The following CLSPN variants were observed in gnomAD, a reference collection of about 807,000 sequenced individuals.
CLSPN encodes the protein claspin homolog.
In CLSPN, 85 loss-of-function variants were observed where a neutral mutation model predicts 156.3. The observed-to-expected ratio is 0.54, with a 90% CI of 0.46 to 0.65. The LOEUF (loss-of-function observed/expected upper bound fraction) is 0.65. CLSPN is among the 30% of genes least tolerant of loss of function. The probability of loss-of-function intolerance (pLI) is 0.00; values close to 1 mark genes in which losing one functional copy is unlikely to be tolerated. For missense variants in CLSPN, 1,407 were observed against 1,554.9 expected (o/e 0.90, Z 1.60); for synonymous variants, 534 against 542.4 (o/e 0.98, Z 0.22).
In CLSPN at chr1:35,736,576, A is replaced by C. The variant is rs1641482217; in HGVS notation, c.3940T>G (p.Ser1314Ala). ...GTTTTGAGGTGCTTAGGTGAAGGAG[A>C]AGTCATGAAAGATGGACCCCTTTTC... ...VKKRGPSFMT[S>A]PSPKHLKTDD... Residue 1314 changes from serine to alanine, a missense_variant, in exon 25 of 25, where the codon TCT becomes GCT. Around this residue, in one of 3 missense-constraint regions of CLSPN, gnomAD observed 241 missense variants for 240.5 expected, o/e 1.00. Coordinates refer to ENST00000318121, the MANE Select transcript of CLSPN (RefSeq NM_022111.4). 1 of 1,612,248 alleles carries C rather than the reference A, an allele frequency of 6.2e-7. No homozygotes were observed. The highest frequency in any genetic ancestry group is 1.3e-5 in the African/African-American group (1 of 74,832).
At chr1:35,747,507 G>C (rs1178210512) in intron 14 of CLSPN, among the ~76,000 whole-genome samples, 1 of 152,174 alleles carries the variant, frequency 6.6e-6, no homozygotes, top group East Asian at 1.9e-4. Flanking sequence ...ATGTTACTCA[G>C]AAGGTAAAGT....
At chr1:35,763,419 T>C (rs754254706) in intron 3 of CLSPN, 98 bp from the exon 4 acceptor site, 68 of 837,074 alleles carry the variant, frequency 8.1e-5, no homozygotes, top group East Asian at 1.4e-4. Context: ...AAAAAGCCCA[T>C]GTTTCATCAA....
At chr1:35,728,986 T>G (rs1431079853), downstream of CLSPN, among the ~76,000 whole-genome samples, 1 of 127,430 alleles carries the variant, frequency 7.8e-6, no homozygotes, top group Admixed American at 8.6e-5. Flanking sequence ...ACACACGCCT[T>G]TCCTGCTGGG....
chr1:35,759,562 C>T (rs1345116001), intron 8 of CLSPN, among the ~76,000 whole-genome samples: 1 of 152,038 alleles, frequency 6.6e-6, no homozygotes, highest in African/African-American at 2.4e-5. Flanking sequence ...TCTTGGTATG[C>T]CCCACAGCAA....
chr1:35,754,035 G>A (rs72659666), intron 8 of CLSPN, 99 bp from the exon 9 acceptor site: 23,675 of 1,061,028 alleles, frequency 0.022, 344 homozygotes, highest in Middle Eastern at 0.035. Flanking sequence ...CAATTATGAG[G>A]GAAACCACAC....
At chr1:35,769,465 T>G (rs1165098626) in intron 1 of CLSPN, among the ~76,000 whole-genome samples, 2 of 152,190 alleles carry the variant, frequency 1.3e-5, no homozygotes, top group Non-Finnish European at 2.9e-5. Flanking sequence ...CCCGCACCGC[T>G]GCGGCCGGGT....
rs1246528175 is a variant in CLSPN, at chr1:35,733,309, CT to C, written c.*3186del. 23 of 222,428 alleles carry C rather than the reference CT, an allele frequency of 1.0e-4. No homozygotes were observed. Among genetic ancestry groups the C allele is most frequent in the East Asian group, 3.9e-4 (2 of 5,166 alleles). The allele number at this position is 222,428 out of a possible 1,614,324, so 13.8% of individuals were successfully genotyped here. ...CCTGGATTTCTCAGGCACTAATTTT[CT>C]TTTTTTTTTCTTTTTTTTTTTTTTT... is the stretch of plus-strand genomic sequence containing the variant. On this transcript the variant is annotated 3_prime_UTR_variant, in exon 25 of 25. Transcript: ENST00000318121.
rs1248793002 is a variant in CLSPN at position 35,745,521 on chromosome 1, TCTC to T, written c.2893_2895del (p.Glu965del). The stretch of plus-strand genomic sequence containing the variant: ...ATTGGATCACCCATGCTGCTCTCCT[TCTC>T]CTGTTTATTTAACTCTGATGAGGCT... On this transcript the variant is annotated inframe_deletion, in exon 16 of 25. Transcript: ENST00000318121. The T allele has an allele frequency of 3.7e-6, 6 of 1,613,922 alleles. No homozygotes were observed. The African/African-American group carries it at 4.0e-5, about 11-fold the overall frequency.
chr1:35,744,040 T>C lies in CLSPN; in HGVS notation c.2967-510A>G, dbSNP rs147389669. On this transcript the variant is annotated intron_variant, in intron 16 of 24. Coordinates refer to ENST00000318121, the MANE Select transcript of CLSPN (RefSeq NM_022111.4). ...AAATTTGCCTTTTTAACGATCTTTC[T>C]ATAGTTCTGTAGTGTTAAGTACATT... is the stretch of plus-strand genomic sequence containing the variant. Among the ~76,000 whole-genome samples the C allele has an allele frequency of 2.6e-5, 4 of 152,374 alleles. No homozygotes were observed. In the East Asian group the frequency reaches 5.8e-4, roughly 22 times the overall value.
chr1:35,747,321 CAA>C (rs879677285), intron 14 of CLSPN, among the ~76,000 whole-genome samples: 1 of 136,040 alleles, frequency 7.4e-6, no homozygotes. Flanking sequence ...GACTCTGCCT[CAA>C]AAAAAAAAAT....
At chr1:35,722,565 C>T (rs1641096151) in intron 24 of CLSPN, among the ~76,000 whole-genome samples, 1 of 150,794 alleles carries the variant, frequency 6.6e-6, no homozygotes, top group Non-Finnish European at 1.5e-5. Flanking sequence ...CTAGTTATTC[C>T]TAAATAATAC....
intron 5 of CLSPN, 105 bp downstream of exon 5, chr1:35,762,299 G>C: frequency 9.4e-7 from 1 of 1,059,860 alleles, no homozygotes; most frequent in South Asian, 1.5e-5. Context: ...AATATGATGG[G>C]TAACAGAAAA....
intron 24 of CLSPN, 112 bp from the exon 25 acceptor site, chr1:35,736,718 G>A (rs1000009644): frequency 6.9e-7 from 1 of 1,440,738 alleles, no homozygotes. Flanking sequence ...CAGAAAAAAA[G>A]AAAGAAAGAT....
Position 35,738,473 on chromosome 1 carries a change from C to T in CLSPN, c.3540G>A (p.Glu1180=). 1.9e-6 allele frequency: 3 copies of T among 1,613,916 alleles called. No individual in the cohort carries two copies. Among genetic ancestry groups the T allele is most frequent in the African/African-American group, 1.3e-5 (1 of 75,026 alleles). The part of the protein sequence containing the change: ...ARWRKERIER[E]QWLRDMAQQG... ...CTCCTACCATGTCCCGAAGCCACTG[C>T]TCTCGTTCAATTCGCTCCTTCCTCC... Residue 1180 remains glutamate (E), a synonymous_variant, in exon 21 of 25, where the codon GAG becomes GAA. Transcript: ENST00000318121.
chr1:35,762,875 C>A (rs1642532805), intron 4 of CLSPN, among the ~76,000 whole-genome samples: 1 of 152,070 alleles, frequency 6.6e-6, no homozygotes, highest in Non-Finnish European at 1.5e-5. Flanking sequence ...AAATTTACAT[C>A]TCTTCCCTAT....
At chr1:35,753,132 G>A (rs769922181) in intron 9 of CLSPN, among the ~76,000 whole-genome samples, 15 of 152,208 alleles carry the variant, frequency 9.9e-5, no homozygotes, top group South Asian at 8.3e-4. Flanking sequence ...TCACTCTCTC[G>A]CCTAGGCTGG....
chr1:35,749,117 G>T lies in CLSPN; in HGVS notation c.2272+350C>A, dbSNP rs182904711. ...TGGGATTACAGGCGTGAGTCACTGC[G>T]CCTGGCCGAAAGTTCTCTTCTTTCT... On this transcript the variant is annotated intron_variant, in intron 12 of 24. Coordinates refer to ENST00000318121, the MANE Select transcript of CLSPN (RefSeq NM_022111.4). 7.9e-5 allele frequency among the ~76,000 whole-genome samples: 12 copies of T among 152,156 alleles called. No homozygotes were observed. The East Asian group carries it at 2.3e-3, about 29-fold the overall frequency.
rs1422527273 is a variant in CLSPN at position 35,738,098 on chromosome 1, C to T, written c.3559-1G>A. On this transcript the variant is annotated splice_acceptor_variant, in intron 21 of 24. Coordinates refer to ENST00000318121, the MANE Select transcript of CLSPN (RefSeq NM_022111.4). LOFTEE classifies it high-confidence loss of function. ...CAGCTGTAATTTTCCCCTGCTGTGC[C>T]TGAAAAAAAAAAAAAATATATATAT... 35 of 795,206 alleles carry T rather than the reference C, an allele frequency of 4.4e-5. No individual in the cohort carries two copies. Among genetic ancestry groups the T allele is most frequent in the African/African-American group, 5.6e-5 (2 of 35,472 alleles). The allele number at this position is 795,206 out of a possible 1,614,324, so 49.3% of individuals were successfully genotyped here. A position where few individuals can be genotyped will look rare whatever the true frequency, so the allele number is the denominator to read the frequency against.
intron 8 of CLSPN, among the ~76,000 whole-genome samples, chr1:35,755,642 A>G (rs540616313): frequency 6.6e-6 from 1 of 151,668 alleles, no homozygotes; most frequent in Non-Finnish European, 1.5e-5. Flanking sequence ...CCTGGACTGA[A>G]ATGATCCACC....
Sources: gnomAD v4.1 joint callset for allele counts (sites outside exome capture counted in the v4.1 genomes callset) on GRCh38, gnomAD v4.1.1 for gene constraint, gnomAD v4.1.1 regional missense constraint, MANE v1.5 for transcripts, NCBI Gene and HGNC (gene_info 2026-07-23, HGNC 2026-07-21) for gene names.